Variants in WDR93 observed in about 807,000 individuals in gnomAD.
The protein encoded by WDR93 is WD repeat-containing protein 93.
A neutral mutation model predicts 82.9 loss-of-function variants in WDR93; 73 were observed. The observed-to-expected ratio is 0.88, with a 90% CI of 0.73 to 1.07. WDR93 has a LOEUF of 1.07. Ranked by LOEUF, WDR93 falls within the 50% of genes least tolerant of loss-of-function variation. The probability of loss-of-function intolerance (pLI) is 0.00; values close to 1 mark genes in which losing one functional copy is unlikely to be tolerated. For synonymous variants in WDR93, 283 were observed against 300.1 expected, an observed-to-expected ratio of 0.94 and a Z score of 0.59; for missense variants, 738 against 826.0, an observed-to-expected ratio of 0.89 and a Z score of 1.31.
chr15:89,727,252 T>TG lies in WDR93; in HGVS notation c.979dup (p.Glu327GlyfsTer5). The TG allele has an allele frequency of 6.2e-7, 1 of 1,614,068 alleles. No homozygotes were observed. ...GAATCATTTCATCAAGGACAGTCAG[T>TG]GGGAGCAGCAAGCTGAGATCTTCAA... is the stretch of plus-strand genomic sequence containing the variant. On this transcript the variant is annotated frameshift_variant, in exon 9 of 17. Transcript: ENST00000268130. LOFTEE classifies it high-confidence loss of function.
intron 12 of WDR93, 49 bp downstream of exon 12, chr15:89,731,611 A>C (rs1267076449): frequency 5.6e-6 from 9 of 1,611,000 alleles, no homozygotes; most frequent in Middle Eastern, 1.7e-4. Flanking sequence ...GACTCTGGGC[A>C]ATGAGTCTGG....
chr15:89,736,108 TCAAA>T (rs1255293770), intron 14 of WDR93, among the ~76,000 whole-genome samples: 1 of 152,156 alleles, frequency 6.6e-6, no homozygotes, highest in Non-Finnish European at 1.5e-5. Flanking sequence ...GGGATGGGGC[TCAAA>T]CAGAGAGGTC....
intron 9 of WDR93, among the ~76,000 whole-genome samples, chr15:89,727,904 G>A (rs1966801583): frequency 6.6e-6 from 1 of 151,956 alleles, no homozygotes; most frequent in African/African-American, 2.4e-5. Flanking sequence ...TCAACACGGT[G>A]AAACCGACTC....
At chr15:89,691,458 C>T (rs1173720965) in intron 1 of WDR93, among the ~76,000 whole-genome samples, 1 of 152,234 alleles carries the variant, frequency 6.6e-6, no homozygotes, top group East Asian at 1.9e-4. Context: ...GTGGCTTACG[C>T]CTGTAATCCC....
rs866088070 is a variant in WDR93, at chr15:89,705,503, T to A, written c.497-51T>A. 2.6e-6 allele frequency: 3 copies of A among 1,149,506 alleles called. No homozygotes were observed. In the Middle Eastern group the frequency reaches 5.8e-4, roughly 222 times the overall value. The allele number at this position is 1,149,506 out of a possible 1,614,324, so 71.2% of individuals were successfully genotyped here. ...AGTCCAATATAAAATTTCCAGTTTC[T>A]CTTCAGCTCAATTGTCTGTCTTAAC... is the stretch of plus-strand genomic sequence containing the variant. On this transcript the variant is annotated intron_variant, in intron 3 of 16. Coordinates refer to ENST00000268130, the MANE Select transcript of WDR93 (RefSeq NM_020212.2).
intron 13 of WDR93, among the ~76,000 whole-genome samples, chr15:89,733,753 T>C (rs1966934791): frequency 6.6e-6 from 1 of 152,172 alleles, no homozygotes; most frequent in Non-Finnish European, 1.5e-5. Flanking sequence ...TGTGGACCCT[T>C]GACCTTGGAC....
intron 16 of WDR93, 58 bp from the exon 17 acceptor site, chr15:89,743,234 G>A (rs555438155): frequency 7.6e-6 from 12 of 1,576,892 alleles, no homozygotes; most frequent in African/African-American, 1.3e-5. Context: ...TGCCCTGGGG[G>A]CTCGGGAGCT....
chr15:89,728,927 TA>T, intron 9 of WDR93, 95 bp from the exon 10 acceptor site: 1 of 1,077,274 alleles, frequency 9.3e-7, no homozygotes, highest in Non-Finnish European at 1.4e-6. Flanking sequence ...AGGTCCATTC[TA>T]ACTATCTATT....
chr15:89,743,305 G>A lies in WDR93; in HGVS notation c.1975G>A (p.Glu659Lys). 6.2e-7 allele frequency: 1 copy of A among 1,614,202 alleles called. No individual in the cohort carries two copies. The highest frequency in any genetic ancestry group is 1.7e-5 in the Admixed American group (1 of 60,028). The change falls in exon 17 of 17, where the codon GAG (glutamate) becomes AAG (lysine). Residue 659 changes from glutamate to lysine, a missense_variant. Physicochemically the swap from Glu to Lys is moderately conservative, Grantham distance 56 (BLOSUM62 1). Transcript: ENST00000268130. ...RFLQKSYRKL[E>K]KNPEKEEEHW... ...TGTGGCCCTCAGCTATCGGAAGCTG[G>A]AGAAGAACCCAGAGAAGGAGGAGGA...
intron 12 of WDR93, 114 bp downstream of exon 12, chr15:89,731,676 G>T (rs997519067): frequency 9.1e-6 from 13 of 1,422,512 alleles, no homozygotes; most frequent in Middle Eastern, 2.2e-4. Flanking sequence ...TGTTCTTAAA[G>T]TCACCTTGGG....
In WDR93 at chr15:89,717,031, T is replaced by C. The variant is rs1966284809; in HGVS notation, c.795+82T>C. On this transcript the variant is annotated intron_variant, in intron 7 of 16. Coordinates refer to ENST00000268130, the MANE Select transcript of WDR93 (RefSeq NM_020212.2). ...TTTAAAAATTATTATTTTTCTTTTC[T>C]TTTCTTTTTCTTTCTTTTTTTTTTT... 37 of 730,002 alleles carry C rather than the reference T, an allele frequency of 5.1e-5. No individual in the cohort carries two copies. In the South Asian group the frequency reaches 1.1e-3, roughly 21 times the overall value. 45.2% of individuals were successfully genotyped at this position (730,002 alleles called of 1,614,324 possible).
intron 7 of WDR93, among the ~76,000 whole-genome samples, chr15:89,717,503 T>A (rs1053560599): frequency 6.6e-6 from 1 of 152,350 alleles, no homozygotes; most frequent in South Asian, 2.1e-4. Flanking sequence ...CTGAGGACAG[T>A]TGACCCAAGT....
intron 1 of WDR93, among the ~76,000 whole-genome samples, chr15:89,699,373 A>G (rs568208231): frequency 1.3e-5 from 2 of 152,170 alleles, no homozygotes; most frequent in East Asian, 1.9e-4. Flanking sequence ...GTTTCCTTCA[A>G]TAAGTCTGCT....
intron 9 of WDR93, among the ~76,000 whole-genome samples, chr15:89,728,645 C>T (rs1966829788): frequency 6.6e-6 from 1 of 152,042 alleles, no homozygotes; most frequent in Non-Finnish European, 1.5e-5. Context: ...TTTAAGAGAC[C>T]CAGTTATCAG....
chr15:89,705,598 G>A lies in WDR93; in HGVS notation c.541G>A (p.Val181Ile), dbSNP rs558583444. 3.6e-5 allele frequency: 56 copies of A among 1,568,924 alleles called. No individual in the cohort carries two copies. Among genetic ancestry groups the A allele is most frequent in the Middle Eastern group, 3.4e-4 (2 of 5,958 alleles). Residue 181 changes from valine to isoleucine, a missense_variant, in exon 4 of 17, where the codon GTC becomes ATC. Val to Ile is a conservative substitution (Grantham distance 29, BLOSUM62 3). Coordinates refer to ENST00000268130, the MANE Select transcript of WDR93 (RefSeq NM_020212.2). ...TTTTTATAAGGAAGGACTTTACCTAGTCAAAGCCATCAATGAAGTGGTGAG... is the reference window on the plus strand; with the variant it reads ...TTTTTATAAGGAAGGACTTTACCTAATCAAAGCCATCAATGAAGTGGTGAG... Reference protein sequence around the residue: ...FYFYKEGLYLVKAINEVDDTS... With the variant: ...FYFYKEGLYLIKAINEVDDTS...
At chr15:89,731,422 G>T in intron 11 of WDR93, 21 bp from the exon 12 acceptor site, 1 of 1,613,714 alleles carries the variant, frequency 6.2e-7, no homozygotes, top group South Asian at 1.1e-5. Flanking sequence ...GGAACCGGTT[G>T]AGTATTGTCC....
At chr15:89,733,327 A>G (rs967519681) in intron 13 of WDR93, 108 bp downstream of exon 13, 8 of 1,011,646 alleles carry the variant, frequency 7.9e-6, no homozygotes, top group East Asian at 5.1e-5. Flanking sequence ...CCTTTTGTAT[A>G]GTCATCACTC....
chr15:89,716,929 T>G lies in WDR93; in HGVS notation c.775T>G (p.Ser259Ala). ...TTCTCAGAACTCCCTTGGTCCCATT[T>G]CTGCAGATCCTTTAGAAATGGTAAG... ...QPQLNSLGPI[S>A]ADPLEMDANV... Residue 259 changes from serine to alanine, a missense_variant, in exon 7 of 17, where the codon TCT becomes GCT. By Grantham distance (99) the Ser-to-Ala change is moderately conservative (BLOSUM62 1). Transcript: ENST00000268130. 1 of 1,561,678 alleles carries G rather than the reference T, an allele frequency of 6.4e-7. No homozygotes were observed. Among genetic ancestry groups the G allele is most frequent in the Non-Finnish European group, 8.7e-7 (1 of 1,153,830 alleles).
At chr15:89,717,755 C>T (rs1285212160) in intron 7 of WDR93, among the ~76,000 whole-genome samples, 1 of 152,226 alleles carries the variant, frequency 6.6e-6, no homozygotes, top group East Asian at 1.9e-4. Context: ...ATTTTGTGTT[C>T]ATAGTTCTGT....
Sources: gnomAD v4.1 joint callset for allele counts (sites outside exome capture counted in the v4.1 genomes callset) on GRCh38, gnomAD v4.1.1 for gene constraint, MANE v1.5 for transcripts, NCBI Gene and HGNC (gene_info 2026-07-23, HGNC 2026-07-21) for gene names.